The following MSMB variants were observed in gnomAD, a reference collection of about 807,000 sequenced individuals.
MSMB encodes the protein beta-microseminoprotein.
A neutral mutation model predicts 10.5 loss-of-function variants in MSMB; 10 were observed. That is an observed-to-expected ratio of 0.95 (90% CI 0.59 to 1.62). The LOEUF (loss-of-function observed/expected upper bound fraction) is 1.62. Ranked by LOEUF, MSMB falls within the 40% of genes most tolerant of loss-of-function variation. The probability of loss-of-function intolerance (pLI) is 0.00; values close to 1 mark genes in which losing one functional copy is unlikely to be tolerated. For missense variants in MSMB, 126 were observed against 137.4 expected, an observed-to-expected ratio of 0.92 and a Z score of 0.42; for synonymous variants, 43 against 46.5, an observed-to-expected ratio of 0.93 and a Z score of 0.30.
intron 1 of MSMB, among the ~76,000 whole-genome samples, chr10:46,045,003 T>C (rs959490016): frequency 2.0e-5 from 3 of 151,992 alleles, no homozygotes; most frequent in Non-Finnish European, 4.4e-5. Flanking sequence ...CCGGACAGTT[T>C]CTGAGAGCAA....
intron 1 of MSMB, among the ~76,000 whole-genome samples, chr10:46,041,604 G>A (rs1840755735): frequency 1.3e-5 from 2 of 152,170 alleles, no homozygotes; most frequent in South Asian, 4.1e-4. Context: ...GACCAGCCTA[G>A]GCAACATGGT....
At chr10:46,041,343 TCA>T (rs1840746725) in intron 1 of MSMB, among the ~76,000 whole-genome samples, 1 of 58,486 alleles carries the variant, frequency 1.7e-5, no homozygotes. Context: ...AGACTCCGTC[TCA>T]AAAAAAAAAA....
intron 1 of MSMB, 84 bp from the exon 2 acceptor site, chr10:46,040,175 G>T: frequency 1.8e-6 from 2 of 1,132,372 alleles, no homozygotes; most frequent in Non-Finnish European, 2.6e-6. Flanking sequence ...CAGGATCTCG[G>T]CTGGGCTCTG....
chr10:46,042,781 A>G (rs1840782331), intron 1 of MSMB, among the ~76,000 whole-genome samples: 1 of 152,256 alleles, frequency 6.6e-6, no homozygotes, highest in Admixed American at 6.5e-5. Flanking sequence ...GAAGCAGGCT[A>G]TGAAATACAT....
intron 3 of MSMB, among the ~76,000 whole-genome samples, chr10:46,035,363 C>G (rs1840577412): frequency 6.6e-6 from 1 of 152,184 alleles, no homozygotes; most frequent in African/African-American, 2.4e-5. Flanking sequence ...TGCCAATGTT[C>G]AGAACAACAT....
intron 1 of MSMB, among the ~76,000 whole-genome samples, chr10:46,044,181 C>G (rs1840824762): frequency 6.6e-6 from 1 of 152,124 alleles, no homozygotes; most frequent in African/African-American, 2.4e-5. Context: ...CCCTGAGCTC[C>G]TGATGTGTGC....
At chr10:46,033,617 C>A in intron 3 of MSMB, 66 bp from the exon 4 acceptor site, 1 of 1,593,736 alleles carries the variant, frequency 6.3e-7, no homozygotes, top group Non-Finnish European at 8.6e-7. Context: ...CTCCCCAGTG[C>A]CAGCTCTGTT....
intron 3 of MSMB, among the ~76,000 whole-genome samples, chr10:46,034,702 G>A (rs1840558737): frequency 2.0e-5 from 3 of 151,736 alleles, no homozygotes; most frequent in Admixed American, 1.3e-4. Context: ...GCAGGCGCCT[G>A]TAGTCCCAGC....
intron 1 of MSMB, among the ~76,000 whole-genome samples, chr10:46,041,973 T>C (rs1211237279): frequency 6.6e-6 from 1 of 152,214 alleles, no homozygotes; most frequent in Admixed American, 6.5e-5. Context: ...TAAATGCTAT[T>C]AGAACAAGTG....
chr10:46,034,313 G>T (rs1000288381), intron 3 of MSMB, among the ~76,000 whole-genome samples: 1 of 151,164 alleles, frequency 6.6e-6, no homozygotes, highest in Admixed American at 6.6e-5. Context: ...GCGGGTCGGC[G>T]CGGGGGAGGT....
chr10:46,041,344 C>CA (rs60728604), intron 1 of MSMB, among the ~76,000 whole-genome samples: 4,263 of 95,120 alleles, frequency 0.045, 257 homozygotes, highest in African/African-American at 0.11. Flanking sequence ...GACTCCGTCT[C>CA]AAAAAAAAAA....
At chr10:46,034,177 A>G (rs1239556730) in intron 3 of MSMB, among the ~76,000 whole-genome samples, 1 of 152,152 alleles carries the variant, frequency 6.6e-6, no homozygotes, top group Non-Finnish European at 1.5e-5. Flanking sequence ...CAGTGGCACG[A>G]TCTCAGCTCA....
chr10:46,043,838 C>CT (rs1171268473), intron 1 of MSMB, among the ~76,000 whole-genome samples: 1 of 152,098 alleles, frequency 6.6e-6, no homozygotes, highest in Non-Finnish European at 1.5e-5. Flanking sequence ...CCACACCTGG[C>CT]TAATTTTTGT....
At chr10:46,044,368 A>C (rs567227658) in intron 1 of MSMB, among the ~76,000 whole-genome samples, 20 of 151,576 alleles carry the variant, frequency 1.3e-4, no homozygotes, top group South Asian at 4.2e-4. Flanking sequence ...TGAGGTCAGG[A>C]GATCGAGACC....
chr10:46,036,406 G>A (rs1159793385), intron 3 of MSMB, among the ~76,000 whole-genome samples: 1 of 152,244 alleles, frequency 6.6e-6, no homozygotes, highest in Non-Finnish European at 1.5e-5. Context: ...GCATGGAGCA[G>A]TGTGCCAAAT....
chr10:46,040,373 G>A (rs1389785624), intron 1 of MSMB, among the ~76,000 whole-genome samples: 1 of 152,136 alleles, frequency 6.6e-6, no homozygotes, highest in Admixed American at 6.5e-5. Flanking sequence ...AAAATGTTGA[G>A]GAGGCCATTT....
chr10:46,033,470 C>G lies in MSMB; in HGVS notation c.297G>C (p.Glu99Asp). Residue 99 changes from glutamate (E) to aspartate (D), a missense_variant, in exon 4 of 4, where the codon GAG (glutamate) becomes GAC (aspartate). Physicochemically the swap from Glu to Asp is conservative, Grantham distance 45. Coordinates refer to ENST00000582163, the MANE Select transcript of MSMB (RefSeq NM_002443.4). Reference protein sequence around the residue: ...KKEDCKYIVVEKKDPKKTCSV... With the variant: ...KKEDCKYIVVDKKDPKKTCSV... ...AACAGGTCTTTTTTGGGTCCTTCTT[C>G]TCCACCACGATATACTTGCAGTCCT... The G allele has an allele frequency of 1.2e-6, 2 of 1,614,028 alleles. No individual in the cohort carries two copies. The highest frequency in any genetic ancestry group is 1.7e-6 in the Non-Finnish European group (2 of 1,179,890).
intron 1 of MSMB, among the ~76,000 whole-genome samples, chr10:46,043,263 T>C (rs1454617865): frequency 6.6e-6 from 1 of 151,970 alleles, no homozygotes; most frequent in Non-Finnish European, 1.5e-5. Context: ...AATCCCCAAG[T>C]CTCCTGCAGC....
In MSMB at chr10:46,043,435, G is replaced by GTC. The variant is rs149445497; in HGVS notation, c.3+2798_3+2799dup. Among the ~76,000 whole-genome samples the GTC allele has an allele frequency of 1.6e-3, 195 of 124,466 alleles. 1 individual carries two copies. Among genetic ancestry groups the GTC allele is most frequent in the Middle Eastern group, 4.0e-3 (1 of 248 alleles). 81.7% of individuals were successfully genotyped at this position (124,466 alleles called of 152,430 possible). A position where few individuals can be genotyped will look rare whatever the true frequency, so the allele number is the denominator to read the frequency against. On this transcript the variant is annotated intron_variant, in intron 1 of 3. Transcript: ENST00000582163. ...TCCCTCCCTCCCTCCCTCCCTTTCT[G>GTC]TCTCTCTCTCTCTCTCTCTCTGAAA...
Sources: gnomAD v4.1 joint callset for allele counts (sites outside exome capture counted in the v4.1 genomes callset) on GRCh38, gnomAD v4.1.1 for gene constraint, MANE v1.5 for transcripts, NCBI Gene and HGNC (gene_info 2026-07-23, HGNC 2026-07-21) for gene names.